The following ACSM3 variants were observed in gnomAD, a reference collection of about 807,000 sequenced individuals.
The protein encoded by ACSM3 is acyl-coenzyme A synthetase ACSM3, mitochondrial.
Under a neutral mutation model 74.1 loss-of-function variants are expected in ACSM3, and 61 were observed. That is an observed-to-expected ratio of 0.82 (90% CI 0.67 to 1.02). The LOEUF is 1.02. Ranked by LOEUF, ACSM3 falls within the 50% of genes least tolerant of loss-of-function variation. The pLI, the probability that ACSM3 is intolerant of heterozygous loss-of-function variation, is 0.00. For missense variants in ACSM3, 660 were observed against 697.0 expected (o/e 0.95, Z 0.60); for synonymous variants, 213 against 241.5 (o/e 0.88, Z 1.09).
chr16:20,681,949 G>C, intron 1 of ACSM3: 1 of 251,046 alleles, frequency 4.0e-6, no homozygotes, highest in Non-Finnish European at 7.9e-6. Context: ...ATAAACTCAA[G>C]TTGTAAAACA....
At chr16:20,730,896 C>T (rs1403006269) in intron 1 of ACSM3, among the ~76,000 whole-genome samples, 1 of 152,102 alleles carries the variant, frequency 6.6e-6, no homozygotes, top group African/African-American at 2.4e-5. Context: ...TGCTGTCACC[C>T]AGGCAAAAAG....
rs553469891 is a variant in ACSM3 at position 20,792,976 on chromosome 16, T to C, written c.1554+641T>C. Among the ~76,000 whole-genome samples, 204 of 152,332 alleles carry C rather than the reference T, an allele frequency of 1.3e-3. 1 individual carries two copies. The highest frequency in any genetic ancestry group is 4.7e-3 in the African/African-American group (196 of 41,580). On this transcript the variant is annotated intron_variant, in intron 12 of 13. Transcript: ENST00000289416. ...GTTTCTCTAGCTGAGTTACAAGTTCTCACAAGTATTTCTTCAAGCCATATC... is the reference window on the plus strand; with the variant it reads ...GTTTCTCTAGCTGAGTTACAAGTTCCCACAAGTATTTCTTCAAGCCATATC...
At chr16:20,728,989 T>C (rs541198121) in intron 1 of ACSM3, among the ~76,000 whole-genome samples, 1 of 152,202 alleles carries the variant, frequency 6.6e-6, no homozygotes, top group East Asian at 1.9e-4. Flanking sequence ...ATGCCTGTGG[T>C]CCCAGCTATC....
chr16:20,731,669 T>C (rs983054), intron 1 of ACSM3: 279,704 of 394,970 alleles, frequency 0.71, 101,458 homozygotes, highest in Non-Finnish European at 0.77. Flanking sequence ...TCCTACAGCC[T>C]AGAGAAATTA....
At chr16:20,697,556 TACACACACACACAC>T (rs57633278) in intron 1 of ACSM3, 10,711 of 139,604 alleles carry the variant, frequency 0.077, 520 homozygotes, top group Admixed American at 0.12. Context: ...AAAATTGGAT[TACACACACACACAC>T]ACACACACAC....
chr16:20,696,397 G>T (rs1350145775), intron 1 of ACSM3, among the ~76,000 whole-genome samples: 3 of 152,200 alleles, frequency 2.0e-5, no homozygotes, highest in Non-Finnish European at 4.4e-5. Context: ...CATAGTAAGT[G>T]CTCAACAAAA....
chr16:20,786,148 T>C lies in ACSM3; in HGVS notation c.1214T>C (p.Phe405Ser), dbSNP rs1369730581. The C allele has an allele frequency of 4.3e-6, 7 of 1,610,338 alleles. No individual in the cohort carries two copies. The highest frequency in any genetic ancestry group is 1.7e-5 in the Admixed American group (1 of 59,332). The change falls in exon 9 of 14, where the codon TTC (phenylalanine) becomes TCC (serine). Residue 405 changes from phenylalanine to serine, a missense_variant. Physicochemically the swap from Phe to Ser is radical, Grantham distance 155 (BLOSUM62 -2). Transcript: ENST00000289416. ...PGSMGKPSPA[F>S]DVKIVDVNGN... ...TCAATGGGAAAACCTTCTCCTGCTT[T>C]CGATGTTAAGGTTTGCACATCCCCT...
Position 20,795,308 on chromosome 16 carries a change from C to T in ACSM3, c.1555-1062C>T, listed in dbSNP as rs559712996. ...ATGTTGGCAGTACAGGCGTGACCCA[C>T]TGTGCCTGGCCACAAGGGTTTTGGG... On this transcript the variant is annotated intron_variant, in intron 12 of 13. Transcript: ENST00000289416. Among the ~76,000 whole-genome samples the T allele has an allele frequency of 3.3e-5, 5 of 152,306 alleles. No homozygotes were observed. The South Asian group carries it at 1.0e-3, about 32-fold the overall frequency.
At chr16:20,787,407 A>G (rs1567359866) in intron 9 of ACSM3, among the ~76,000 whole-genome samples, 2 of 152,234 alleles carry the variant, frequency 1.3e-5, no homozygotes, top group Non-Finnish European at 2.9e-5. Flanking sequence ...CAGCAAAAAT[A>G]TGGATGAATT....
intron 1 of ACSM3, among the ~76,000 whole-genome samples, chr16:20,742,815 T>A (rs192081): frequency 0.18 from 8,221 of 46,582 alleles, 395 homozygotes; most frequent in African/African-American, 0.29. Flanking sequence ...ATATATATAT[T>A]TTTTTTTTTT....
chr16:20,706,439 C>T (rs2079728567), intron 1 of ACSM3, among the ~76,000 whole-genome samples: 1 of 152,232 alleles, frequency 6.6e-6, no homozygotes. Flanking sequence ...TAGTCCCCCA[C>T]TCACATTCCC....
At chr16:20,737,084 T>C (rs2079876615) in intron 1 of ACSM3, 1 of 1,614,224 alleles carries the variant, frequency 6.2e-7, no homozygotes, top group Non-Finnish European at 8.5e-7. Flanking sequence ...CCAGTTTAGC[T>C]TCTTTCCCAT....
intron 2 of ACSM3, among the ~76,000 whole-genome samples, chr16:20,754,699 A>C (rs1341708687): frequency 6.6e-6 from 1 of 152,228 alleles, no homozygotes; most frequent in African/African-American, 2.4e-5. Flanking sequence ...TCTATCTTGT[A>C]ACAAGTGTAA....
At chr16:20,729,437 C>T in intron 1 of ACSM3, 1 of 799,574 alleles carries the variant, frequency 1.3e-6, no homozygotes, top group Non-Finnish European at 2.2e-6. Context: ...TGGTCAAAGG[C>T]TTCTTTTCCT....
At chr16:20,713,449 T>A (rs769306955) in intron 1 of ACSM3, among the ~76,000 whole-genome samples, 1 of 152,150 alleles carries the variant, frequency 6.6e-6, no homozygotes, top group Non-Finnish European at 1.5e-5. Context: ...TGTACTTTTG[T>A]GCATTATACG....
At chr16:20,762,285 G>A (rs1267853606), upstream of ACSM3, among the ~76,000 whole-genome samples, 1 of 151,850 alleles carries the variant, frequency 6.6e-6, no homozygotes, top group East Asian at 1.9e-4. Flanking sequence ...AAAAAACACT[G>A]TTTTTTCCCT....
At chr16:20,736,923 T>A in intron 1 of ACSM3, 1 of 1,614,204 alleles carries the variant, frequency 6.2e-7, no homozygotes, top group Admixed American at 1.7e-5. Context: ...TTCTGTGGCT[T>A]GACTTGCAAG....
chr16:20,695,303 C>T (rs1036046779), intron 1 of ACSM3, among the ~76,000 whole-genome samples: 1 of 152,186 alleles, frequency 6.6e-6, no homozygotes. Flanking sequence ...TTGGCAGCAC[C>T]TATTGCCTGA....
intron 1 of ACSM3, among the ~76,000 whole-genome samples, chr16:20,689,489 A>G (rs1596475876): frequency 6.6e-6 from 1 of 152,182 alleles, no homozygotes; most frequent in Admixed American, 6.5e-5. Context: ...AGTGGACTAA[A>G]CTCCCCAGTC....
Sources: gnomAD v4.1 joint callset for allele counts (sites outside exome capture counted in the v4.1 genomes callset) on GRCh38, gnomAD v4.1.1 for gene constraint, MANE v1.5 for transcripts, NCBI Gene and HGNC (gene_info 2026-07-23, HGNC 2026-07-21) for gene names.